Variants in RFTN1 observed in about 807,000 individuals in gnomAD.
RFTN1 encodes raftlin, lipid raft linker 1.
RFTN1 carries 26 observed loss-of-function variants against 46.5 expected under a neutral mutation model. The observed-to-expected ratio is 0.56, with a 90% CI of 0.41 to 0.78. The LOEUF (loss-of-function observed/expected upper bound fraction) is 0.78. RFTN1 is among the 30% of genes least tolerant of loss of function. The pLI, the probability that RFTN1 is intolerant of heterozygous loss-of-function variation, is 0.00. For missense variants in RFTN1, 693 were observed against 718.7 expected, an observed-to-expected ratio of 0.96 and a Z score of 0.41; for synonymous variants, 261 against 284.2, an observed-to-expected ratio of 0.92 and a Z score of 0.82.
chr3:16,492,790 C>T (rs2076559781), intron 2 of RFTN1, among the ~76,000 whole-genome samples: 1 of 152,186 alleles, frequency 6.6e-6, no homozygotes, highest in African/African-American at 2.4e-5. Flanking sequence ...TATGGGTCTC[C>T]TGTCTCCCAT....
intron 7 of RFTN1, among the ~76,000 whole-genome samples, chr3:16,340,972 C>T (rs1033617547): frequency 3.3e-4 from 51 of 152,266 alleles, no homozygotes; most frequent in African/African-American, 1.2e-3. Context: ...AGACAACAAA[C>T]AACCCAATTT....
intron 7 of RFTN1, among the ~76,000 whole-genome samples, chr3:16,354,416 C>T (rs896823343): frequency 1.3e-5 from 2 of 152,236 alleles, no homozygotes; most frequent in Admixed American, 6.5e-5. Flanking sequence ...GCTGCGTTAG[C>T]CTGACTGCGT....
chr3:16,502,191 ACT>A (rs1437216780), intron 1 of RFTN1, among the ~76,000 whole-genome samples: 2 of 151,982 alleles, frequency 1.3e-5, no homozygotes, highest in Non-Finnish European at 2.9e-5. Flanking sequence ...ACATGGCAAG[ACT>A]CTGTCTCTAC....
chr3:16,415,113 G>A (rs1241672354), intron 3 of RFTN1, among the ~76,000 whole-genome samples: 4 of 152,112 alleles, frequency 2.6e-5, no homozygotes, highest in East Asian at 1.9e-4. Context: ...GAGTGGGTTG[G>A]CAACAGTGTC....
intron 2 of RFTN1, among the ~76,000 whole-genome samples, chr3:16,482,441 A>C (rs1042031352): frequency 2.6e-5 from 4 of 152,210 alleles, no homozygotes; most frequent in African/African-American, 9.6e-5. Flanking sequence ...CAAAAAGAGA[A>C]CATCAAAGCT....
Position 16,421,275 on chromosome 3 carries a change from C to T in RFTN1, c.333-11792G>A, listed in dbSNP as rs2075177975. Reference sequence around the variant, plus strand: ...GTTAACATAATGGAACTATAACACACTTTTCAAAAAGTCTTCTTGATAATT... The same window carrying T: ...GTTAACATAATGGAACTATAACACATTTTTCAAAAAGTCTTCTTGATAATT... On this transcript the variant is annotated intron_variant, in intron 3 of 9. Coordinates refer to ENST00000334133, the MANE Select transcript of RFTN1 (RefSeq NM_015150.2). The surrounding 1 kb of genome is among the most constrained non-coding windows in gnomAD (Gnocchi z 4.6). 6.6e-6 allele frequency among the ~76,000 whole-genome samples: 1 copy of T among 151,900 alleles called. No individual in the cohort carries two copies. The highest frequency in any genetic ancestry group is 1.5e-5 in the Non-Finnish European group (1 of 67,966).
At chr3:16,397,067 A>T (rs1336672189) in intron 4 of RFTN1, among the ~76,000 whole-genome samples, 1 of 109,456 alleles carries the variant, frequency 9.1e-6, no homozygotes, top group Non-Finnish European at 1.8e-5. Context: ...CTGTCTCAAA[A>T]TGAAAAAAAA....
chr3:16,497,781 G>A (rs1019772032), intron 1 of RFTN1, among the ~76,000 whole-genome samples: 1 of 152,162 alleles, frequency 6.6e-6, no homozygotes, highest in Non-Finnish European at 1.5e-5. Flanking sequence ...ATATCTCCAT[G>A]GGAAGGACAA....
At chr3:16,375,225 G>A (rs2073718073) in intron 5 of RFTN1, among the ~76,000 whole-genome samples, 1 of 152,126 alleles carries the variant, frequency 6.6e-6, no homozygotes, top group Non-Finnish European at 1.5e-5. Flanking sequence ...GTGTGTGCCT[G>A]TGGGGGAGTG....
At chr3:16,366,776 C>A (rs2073204126) in intron 6 of RFTN1, among the ~76,000 whole-genome samples, 1 of 152,246 alleles carries the variant, frequency 6.6e-6, no homozygotes, top group South Asian at 2.1e-4. Context: ...GTTTGAATTA[C>A]TGAGACCAGC....
At position 16,317,285 on chromosome 3, in the gene RFTN1, T is replaced by C; in HGVS notation, c.1333-53A>G. The C allele has an allele frequency of 6.3e-7, 1 of 1,582,298 alleles. No homozygotes were observed. The highest frequency in any genetic ancestry group is 8.6e-7 in the Non-Finnish European group (1 of 1,166,316). ...TAACAAGCCTCCGGGAACCCAGAGC[T>C]TCACCCAAAGCCTTGTTTGCATTCA... On this transcript the variant is annotated intron_variant, in intron 9 of 9. Transcript: ENST00000334133. This position sits in a 1 kb window ranked among gnomAD's most constrained non-coding sequence, Gnocchi z 4.3.
At chr3:16,378,279 G>T (rs1480754933) in intron 4 of RFTN1, among the ~76,000 whole-genome samples, 177 bp from the exon 5 acceptor site, 1 of 152,242 alleles carries the variant, frequency 6.6e-6, no homozygotes, top group Non-Finnish European at 1.5e-5. Context: ...ACCCTAGTCT[G>T]AAGAAGACAG....
rs1553601631 is a variant in RFTN1, at chr3:16,465,454, A to ACACC, written c.145+28270_145+28271insGGTG. Among the ~76,000 whole-genome samples the ACACC allele has an allele frequency of 2.8e-5, 4 of 144,780 alleles. No individual in the cohort carries two copies. Among genetic ancestry groups the ACACC allele is most frequent in the Admixed American group, 6.7e-5 (1 of 14,914 alleles). 95.0% of individuals were successfully genotyped at this position (144,780 alleles called of 152,430 possible). ...CACACACACACACACACACACACACACCCCATGCCTGATTAAACAAAATAA... is the reference window on the plus strand; with the variant it reads ...CACACACACACACACACACACACACACACCCCCCATGCCTGATTAAACAAAATAA... On this transcript the variant is annotated intron_variant, in intron 2 of 9. Coordinates refer to ENST00000334133, the MANE Select transcript of RFTN1 (RefSeq NM_015150.2). The surrounding 1 kb of genome is among the most constrained non-coding windows in gnomAD (Gnocchi z 5.1).
rs1245291413 is a variant in RFTN1, at chr3:16,370,490, G to A, written c.827-211C>T. On this transcript the variant is annotated intron_variant, in intron 5 of 9. Transcript: ENST00000334133. This position sits in a 1 kb window ranked among gnomAD's most constrained non-coding sequence, Gnocchi z 5.5. ...TAAAGTAACATGGACCTGAAGGGTTGGGCTTCTGATGGGGAACTTAGGTTT... is the reference window on the plus strand; with the variant it reads ...TAAAGTAACATGGACCTGAAGGGTTAGGCTTCTGATGGGGAACTTAGGTTT... Among the ~76,000 whole-genome samples the A allele has an allele frequency of 6.6e-6, 1 of 152,202 alleles. No homozygotes were observed. The highest frequency in any genetic ancestry group is 1.5e-5 in the Non-Finnish European group (1 of 68,042).
Position 16,316,986 on chromosome 3 carries a change from A to G in RFTN1, c.1579T>C (p.Cys527Arg). ...GEQLSPGGLL[C>R]GVGVEGEAVQ... ...GCCTCACCCTCCACACCCACCCCACACAGCAGGCCACCAGGGGACAGCTGT... is the reference window on the plus strand; with the variant it reads ...GCCTCACCCTCCACACCCACCCCACGCAGCAGGCCACCAGGGGACAGCTGT... Residue 527 changes from cysteine (C) to arginine (R), a missense_variant, in exon 10 of 10, where the codon TGT becomes CGT. By Grantham distance (180) the Cys-to-Arg change is radical. Transcript: ENST00000334133. The surrounding 1 kb of genome is among the most constrained non-coding windows in gnomAD (Gnocchi z 4.5). 6.2e-7 allele frequency: 1 copy of G among 1,612,940 alleles called. No homozygotes were observed. The highest frequency in any genetic ancestry group is 1.1e-5 in the South Asian group (1 of 90,992).
rs1172121970 is a variant in RFTN1 at position 16,468,232 on chromosome 3, T to C, written c.145+25493A>G. 6.6e-6 allele frequency among the ~76,000 whole-genome samples: 1 copy of C among 152,256 alleles called. No individual in the cohort carries two copies. The highest frequency in any genetic ancestry group is 1.5e-5 in the Non-Finnish European group (1 of 68,044). ...TTTATGTGGCTCATTCCTCATTCCC[T>C]TTCAGCTGACAGGCTTCTTATCTTT... is the stretch of plus-strand genomic sequence containing the variant. On this transcript the variant is annotated intron_variant, in intron 2 of 9. Transcript: ENST00000334133. This position sits in a 1 kb window ranked among gnomAD's most constrained non-coding sequence, Gnocchi z 4.4.
chr3:16,446,360 G>A lies in RFTN1; in HGVS notation c.146-12323C>T, dbSNP rs1049379877. Among the ~76,000 whole-genome samples, 4 of 151,484 alleles carry A rather than the reference G, an allele frequency of 2.6e-5. No individual in the cohort carries two copies. The highest frequency in any genetic ancestry group is 2.1e-4 in the South Asian group (1 of 4,798). ...TATTATTCTAACAATTTTAGGTACCGTTAGGGAAATTCACATTGTCGTGCA... is the reference window on the plus strand; with the variant it reads ...TATTATTCTAACAATTTTAGGTACCATTAGGGAAATTCACATTGTCGTGCA... On this transcript the variant is annotated intron_variant, in intron 2 of 9. Coordinates refer to ENST00000334133, the MANE Select transcript of RFTN1 (RefSeq NM_015150.2). The surrounding 1 kb of genome is among the most constrained non-coding windows in gnomAD (Gnocchi z 4.5).
At position 16,452,348 on chromosome 3, in the gene RFTN1, T is replaced by C. The variant is rs1022018242; in HGVS notation, c.146-18311A>G. Among the ~76,000 whole-genome samples the C allele has an allele frequency of 1.3e-5, 2 of 152,182 alleles. No homozygotes were observed. The highest frequency in any genetic ancestry group is 2.9e-5 in the Non-Finnish European group (2 of 68,034). ...GGCGAAGGGAAAAGTAATTTTAAAA[T>C]GTGCGGGGTTACATTCAGATACCTT... On this transcript the variant is annotated intron_variant, in intron 2 of 9. Transcript: ENST00000334133. The surrounding 1 kb of genome is among the most constrained non-coding windows in gnomAD (Gnocchi z 6.3).
At position 16,484,417 on chromosome 3, in the gene RFTN1, A is replaced by G. The variant is rs2076415960; in HGVS notation, c.145+9308T>C. Among the ~76,000 whole-genome samples, 2 of 152,218 alleles carry G rather than the reference A, an allele frequency of 1.3e-5. No homozygotes were observed. The highest frequency in any genetic ancestry group is 2.9e-5 in the Non-Finnish European group (2 of 68,034). On this transcript the variant is annotated intron_variant, in intron 2 of 9. Coordinates refer to ENST00000334133, the MANE Select transcript of RFTN1 (RefSeq NM_015150.2). The surrounding 1 kb of genome is among the most constrained non-coding windows in gnomAD (Gnocchi z 4.6). The stretch of plus-strand genomic sequence containing the variant: ...ACCCAAAATTTATATACAGAGTTTA[A>G]GGCTAGAATGCTGGTGGCCGAAAGC...
Sources: allele counts gnomAD v4.1 joint callset (sites outside exome capture counted in the v4.1 genomes callset), GRCh38; gene constraint gnomAD v4.1.1; non-coding constraint Gnocchi (gnomAD v3.1); transcripts MANE v1.5; gene names NCBI Gene and HGNC (gene_info 2026-07-23, HGNC 2026-07-21).